The following NR3C2 variants were observed in gnomAD, a reference collection of about 807,000 sequenced individuals.
NR3C2 encodes the protein nuclear receptor subfamily 3 group C member 2.
Under a neutral mutation model 86.4 loss-of-function variants are expected in NR3C2, and 15 were observed. The ratio of observed to expected loss-of-function variants is 0.17; its 90% CI spans 0.12 to 0.27. The LOEUF is 0.27. Ranked by LOEUF, NR3C2 falls within the 10% of genes least tolerant of loss-of-function variation. NR3C2 has a pLI of 1.00. For missense variants in NR3C2, 960 were observed against 1,195.6 expected, an observed-to-expected ratio of 0.80 and a Z score of 2.91; for synonymous variants, 458 against 450.5, an observed-to-expected ratio of 1.02 and a Z score of -0.21.
chr4:148,439,117 A>T (rs946478222), intron 1 of NR3C2, among the ~76,000 whole-genome samples: 11 of 152,214 alleles, frequency 7.2e-5, no homozygotes, highest in Admixed American at 3.3e-4. Context: ...AACTAAACTA[A>T]AAAACAGTGA....
chr4:148,308,174 G>T (rs1742729007), intron 2 of NR3C2, among the ~76,000 whole-genome samples: 1 of 152,080 alleles, frequency 6.6e-6, no homozygotes, highest in Non-Finnish European at 1.5e-5. Flanking sequence ...AGGCTTGAGG[G>T]TAACATCTAC....
intron 2 of NR3C2, among the ~76,000 whole-genome samples, chr4:148,279,776 A>G (rs1741144180): frequency 6.6e-6 from 1 of 152,098 alleles, no homozygotes; most frequent in Non-Finnish European, 1.5e-5. Flanking sequence ...CCCAGGCTGG[A>G]GTGCAATGGC....
chr4:148,116,548 C>T (rs938744605), intron 7 of NR3C2, among the ~76,000 whole-genome samples: 1 of 152,200 alleles, frequency 6.6e-6, no homozygotes, highest in South Asian at 2.1e-4. Flanking sequence ...TCCCGAAAAA[C>T]TTTGATACAC....
intron 2 of NR3C2, among the ~76,000 whole-genome samples, chr4:148,268,230 T>C (rs1451044033): frequency 6.6e-6 from 1 of 152,208 alleles, no homozygotes; most frequent in East Asian, 1.9e-4. Flanking sequence ...TGAGCCACTG[T>C]GCCTGGCCTT....
chr4:148,204,652 T>C (rs183908610), intron 3 of NR3C2, among the ~76,000 whole-genome samples: 68 of 152,298 alleles, frequency 4.5e-4, no homozygotes, highest in Non-Finnish European at 9.0e-4. Flanking sequence ...AATATTCTTA[T>C]ACCAACAGGA....
chr4:148,281,235 T>C (rs1741221949), intron 2 of NR3C2, among the ~76,000 whole-genome samples: 1 of 152,228 alleles, frequency 6.6e-6, no homozygotes, highest in Non-Finnish European at 1.5e-5. Flanking sequence ...GGGTGAAAGA[T>C]AAGAGAAAGC....
At position 148,300,867 on chromosome 4, in the gene NR3C2, C is replaced by T. The variant is rs890936575; in HGVS notation, c.1758-40750G>A. Among the ~76,000 whole-genome samples, 21 of 152,098 alleles carry T rather than the reference C, an allele frequency of 1.4e-4. 1 individual carries two copies. Among genetic ancestry groups the T allele is most frequent in the Admixed American group, 1.0e-3 (16 of 15,280 alleles). On this transcript the variant is annotated intron_variant, in intron 2 of 8. Coordinates refer to ENST00000358102, the MANE Select transcript of NR3C2 (RefSeq NM_000901.5). ...GATTACAGGCATGAGCCACCGCGCC[C>T]GACCTTGCCTTGTCACTCTTAATGC...
chr4:148,259,755 CTT>C (rs1488415400), intron 3 of NR3C2, among the ~76,000 whole-genome samples: 2 of 152,172 alleles, frequency 1.3e-5, no homozygotes, highest in African/African-American at 4.8e-5. Context: ...AAAAAATCCT[CTT>C]TGGTTGATCC....
chr4:148,193,007 C>G (rs1275368710), intron 4 of NR3C2, among the ~76,000 whole-genome samples: 1 of 152,240 alleles, frequency 6.6e-6, no homozygotes, highest in Admixed American at 6.5e-5. Context: ...GCTTCTCACC[C>G]TGTTCAAATT....
Position 148,435,526 on chromosome 4 carries a change from T to C in NR3C2, c.1335A>G (p.Pro445=), listed in dbSNP as rs1486642790. The stretch of plus-strand genomic sequence containing the variant: ...CCATAAATGGAAACGGGTTTACTGT[T>C]GGATTCCCTTTAAAAGAGGTGCCTG... ...SCSGTSFKGN[P]TVNPFPFMDG... is the part of the protein sequence containing the mutation. The change falls in exon 2 of 9, where the codon CCA becomes CCG. Residue 445 remains proline, a synonymous_variant. Transcript: ENST00000358102. 6.2e-7 allele frequency: 1 copy of C among 1,614,048 alleles called. No individual in the cohort carries two copies. The highest frequency in any genetic ancestry group is 8.5e-7 in the Non-Finnish European group (1 of 1,180,048).
At chr4:148,299,366 C>G (rs1742216286) in intron 2 of NR3C2, among the ~76,000 whole-genome samples, 1 of 152,146 alleles carries the variant, frequency 6.6e-6, no homozygotes, top group Non-Finnish European at 1.5e-5. Context: ...CATCCCCAAC[C>G]CTGTCGCTCT....
intron 2 of NR3C2, among the ~76,000 whole-genome samples, chr4:148,306,567 A>G (rs1298718057): frequency 6.6e-6 from 1 of 152,254 alleles, no homozygotes; most frequent in Admixed American, 6.5e-5. Flanking sequence ...ATGCCAGACT[A>G]CAAAGCAGTA....
At chr4:148,318,210 A>C (rs993044840) in intron 2 of NR3C2, among the ~76,000 whole-genome samples, 5 of 151,122 alleles carry the variant, frequency 3.3e-5, no homozygotes, top group Admixed American at 1.3e-4. Flanking sequence ...TGAACTCATC[A>C]TTTTTTATGG....
intron 2 of NR3C2, among the ~76,000 whole-genome samples, chr4:148,274,175 A>C (rs1740843745): frequency 6.6e-6 from 1 of 152,232 alleles, no homozygotes. Flanking sequence ...GAAGCAGCAA[A>C]AACTTTCCAA....
At chr4:148,262,561 T>C (rs527539825) in intron 2 of NR3C2, among the ~76,000 whole-genome samples, 1 of 152,292 alleles carries the variant, frequency 6.6e-6, no homozygotes, top group Non-Finnish European at 1.5e-5. Context: ...CGGCAACTAC[T>C]ATGGATGGAA....
At position 148,114,203 on chromosome 4, in the gene NR3C2, G is replaced by A. The variant is rs1732171953; in HGVS notation, c.2700C>T (p.Ile900=). The A allele has an allele frequency of 6.2e-7, 1 of 1,613,908 alleles. No homozygotes were observed. The highest frequency in any genetic ancestry group is 1.3e-5 in the African/African-American group (1 of 74,980). ...AAFEEMRTNY[I]KELRKMVTKC... is the part of the protein sequence containing the mutation. The stretch of plus-strand genomic sequence containing the variant: ...TAGTTACCATCTTCCTCAGTTCTTT[G>A]ATGTAATTTGTCCTCATTTCTTCAA... Residue 900 remains isoleucine, a synonymous_variant, in exon 8 of 9, where the codon ATC becomes ATT. Transcript: ENST00000358102.
intron 2 of NR3C2, among the ~76,000 whole-genome samples, chr4:148,364,664 T>C (rs1746016960): frequency 6.6e-6 from 1 of 152,252 alleles, no homozygotes; most frequent in Admixed American, 6.5e-5. Context: ...TCCTTTGTTT[T>C]ATCTTTATAA....
chr4:148,226,965 A>G (rs1365769818), intron 3 of NR3C2, among the ~76,000 whole-genome samples: 1 of 152,208 alleles, frequency 6.6e-6, no homozygotes, highest in African/African-American at 2.4e-5. Context: ...AAGTTTAAGA[A>G]AAGTACATAA....
At chr4:148,301,025 C>G (rs536898873) in intron 2 of NR3C2, among the ~76,000 whole-genome samples, 1 of 152,144 alleles carries the variant, frequency 6.6e-6, no homozygotes, top group East Asian at 1.9e-4. Flanking sequence ...GCAGATGGAT[C>G]CCTGTCAAAG....
Sources: gnomAD v4.1 joint callset for allele counts (sites outside exome capture counted in the v4.1 genomes callset) on GRCh38, gnomAD v4.1.1 for gene constraint, MANE v1.5 for transcripts, NCBI Gene and HGNC (gene_info 2026-07-23, HGNC 2026-07-21) for gene names.